PLCXD2: variants seen among roughly 807,000 people sequenced by gnomAD.
PLCXD2 encodes the protein phosphatidylinositol specific phospholipase C X domain containing 2.
A neutral mutation model predicts 28.6 loss-of-function variants in PLCXD2; 21 were observed. The observed-to-expected ratio is 0.73, with a 90% CI of 0.52 to 1.06. PLCXD2 has a LOEUF of 1.06. Among genes scored for constraint, PLCXD2 ranks in the 50% least tolerant of loss-of-function variants. PLCXD2 has a pLI of 0.00. For missense variants in PLCXD2, 369 were observed against 376.7 expected, an observed-to-expected ratio of 0.98 and a Z score of 0.17; for synonymous variants, 140 against 150.1, an observed-to-expected ratio of 0.93 and a Z score of 0.49.
At chr3:111,710,090 GC>G (rs1576462375) in intron 2 of PLCXD2, among the ~76,000 whole-genome samples, 2 of 152,180 alleles carry the variant, frequency 1.3e-5, no homozygotes, top group East Asian at 3.9e-4. Context: ...TGAGTCCCAG[GC>G]TTGGCCGGAA....
chr3:111,674,996 A>T lies in PLCXD2; in HGVS notation c.-250A>T. The T allele has an allele frequency of 2.1e-6, 1 of 467,374 alleles. No homozygotes were observed. The allele number at this position is 467,374 out of a possible 1,614,324, so 29.0% of individuals were successfully genotyped here. ...TACCTTCCCCCATCTCCAGAGGGGA[A>T]CATAAGAAGTTTAACGGAGCTGGGA... On this transcript the variant is annotated 5_prime_UTR_variant, in exon 1 of 5. Transcript: ENST00000477665.
At chr3:111,697,650 T>A (rs962012366) in intron 1 of PLCXD2, among the ~76,000 whole-genome samples, 1 of 152,194 alleles carries the variant, frequency 6.6e-6, no homozygotes, top group Non-Finnish European at 1.5e-5. Flanking sequence ...TACTGTTTTT[T>A]CCATTTCAAA....
chr3:111,712,655 C>T (rs183722194), intron 2 of PLCXD2, among the ~76,000 whole-genome samples: 4 of 152,168 alleles, frequency 2.6e-5, no homozygotes, highest in Non-Finnish European at 4.4e-5. Context: ...ACCTTAGTCA[C>T]GAGCTAAATG....
chr3:111,679,579 G>C (rs1205429914), intron 1 of PLCXD2, among the ~76,000 whole-genome samples: 1 of 152,188 alleles, frequency 6.6e-6, no homozygotes, highest in East Asian at 1.9e-4. Flanking sequence ...AACATGGTTT[G>C]CAGCCACCGC....
chr3:111,715,111 T>C (rs900473465), intron 3 of PLCXD2, among the ~76,000 whole-genome samples: 2 of 152,210 alleles, frequency 1.3e-5, no homozygotes, highest in African/African-American at 4.8e-5. Flanking sequence ...GATTTTTCTT[T>C]CTTGGTGAGA....
intron 1 of PLCXD2, 124 bp from the exon 2 acceptor site, chr3:111,707,802 T>C: frequency 2.3e-6 from 2 of 875,124 alleles, no homozygotes; most frequent in African/African-American, 3.4e-5. Flanking sequence ...TTGCTACTAT[T>C]CATTTGCAGT....
intron 1 of PLCXD2, among the ~76,000 whole-genome samples, chr3:111,684,864 G>A (rs1290295708): frequency 1.3e-5 from 2 of 152,108 alleles, no homozygotes; most frequent in African/African-American, 4.8e-5. Flanking sequence ...ACCTGAGGAG[G>A]AGGGTGACAG....
chr3:111,703,407 C>G (rs1051109822), intron 1 of PLCXD2, among the ~76,000 whole-genome samples: 1 of 152,218 alleles, frequency 6.6e-6, no homozygotes, highest in African/African-American at 2.4e-5. Context: ...CCATTGCTGT[C>G]ACATTTCTGC....
At chr3:111,711,514 T>C (rs1260876202) in intron 2 of PLCXD2, among the ~76,000 whole-genome samples, 4 of 152,254 alleles carry the variant, frequency 2.6e-5, no homozygotes, top group African/African-American at 7.2e-5. Context: ...ATATTTTTCA[T>C]GTAATGAGCT....
In PLCXD2 at chr3:111,687,179, T is replaced by A. The variant is rs78331652; in HGVS notation, c.163+11771T>A. On this transcript the variant is annotated intron_variant, in intron 1 of 4. Coordinates refer to ENST00000477665, the MANE Select transcript of PLCXD2 (RefSeq NM_001185106.1). ...GAGATATAAGCGTGAAGTTGACATG[T>A]TCCTGCCCTGAAAGACTTTCACTTA... Among the ~76,000 whole-genome samples, 1,147 of 152,338 alleles carry A rather than the reference T, an allele frequency of 7.5e-3. 13 individuals are homozygous for A. The highest frequency in any genetic ancestry group is 0.026 in the African/African-American group (1,072 of 41,566).
rs1046305139 is a variant in PLCXD2 at position 111,675,111 on chromosome 3, G to A, written c.-135G>A. On this transcript the variant is annotated 5_prime_UTR_variant, in exon 1 of 5. Transcript: ENST00000477665. ...GGGTAAGGATCCATCTGTTTGCCCCGTCCCCCAGCCAGAAAGGCATTTTGG... is the reference window on the plus strand; with the variant it reads ...GGGTAAGGATCCATCTGTTTGCCCCATCCCCCAGCCAGAAAGGCATTTTGG... The A allele has an allele frequency of 1.6e-5, 17 of 1,032,534 alleles. No individual in the cohort carries two copies. In the African/African-American group the frequency reaches 2.7e-4, roughly 17 times the overall value. 64.0% of individuals were successfully genotyped at this position (1,032,534 alleles called of 1,614,324 possible). A position where few individuals can be genotyped will look rare whatever the true frequency, so the allele number is the denominator to read the frequency against.
intron 1 of PLCXD2, among the ~76,000 whole-genome samples, chr3:111,688,241 C>T (rs557098466): frequency 4.2e-4 from 64 of 152,220 alleles, no homozygotes; most frequent in Middle Eastern, 3.4e-3. Flanking sequence ...GGTTTGGGAG[C>T]CTTAAGATCA....
intron 3 of PLCXD2, among the ~76,000 whole-genome samples, chr3:111,718,259 T>C (rs1333521349): frequency 6.6e-6 from 1 of 152,036 alleles, no homozygotes; most frequent in African/African-American, 2.4e-5. Context: ...GGTCAGGAGA[T>C]CGAGACCATC....
At chr3:111,693,783 A>G (rs1248319547) in intron 1 of PLCXD2, among the ~76,000 whole-genome samples, 2 of 152,216 alleles carry the variant, frequency 1.3e-5, no homozygotes, top group African/African-American at 4.8e-5. Context: ...TCAGAGAGAA[A>G]GCTTTCTCTT....
chr3:111,686,983 C>T (rs143249522), intron 1 of PLCXD2, among the ~76,000 whole-genome samples: 180 of 152,162 alleles, frequency 1.2e-3, no homozygotes, highest in Non-Finnish European at 2.0e-3. Context: ...GAGAGTGAAC[C>T]CTACCTGTTT....
At chr3:111,715,692 G>C (rs1385405500) in intron 3 of PLCXD2, among the ~76,000 whole-genome samples, 1 of 152,182 alleles carries the variant, frequency 6.6e-6, no homozygotes, top group Non-Finnish European at 1.5e-5. Context: ...CTTTAGATGG[G>C]ATTCAGGGAG....
At chr3:111,679,167 C>A (rs1250722933) in intron 1 of PLCXD2, among the ~76,000 whole-genome samples, 3 of 152,084 alleles carry the variant, frequency 2.0e-5, no homozygotes, top group Admixed American at 6.5e-5. Flanking sequence ...ATTAATTCCA[C>A]CTTCTGAGAA....
chr3:111,710,016 T>C lies in PLCXD2; in HGVS notation c.624+1630T>C, dbSNP rs1196283248. Among the ~76,000 whole-genome samples, 4 of 152,134 alleles carry C rather than the reference T, an allele frequency of 2.6e-5. No individual in the cohort carries two copies. In the South Asian group the frequency reaches 8.3e-4, roughly 32 times the overall value. The stretch of plus-strand genomic sequence containing the variant: ...GTCAGATTTTGCATCTGTCAGAAGG[T>C]AGAGCCGACAGGGTTTCCTAATGGA... On this transcript the variant is annotated intron_variant, in intron 2 of 4. Transcript: ENST00000477665.
chr3:111,684,057 C>A (rs373480943), intron 1 of PLCXD2, among the ~76,000 whole-genome samples: 1 of 152,050 alleles, frequency 6.6e-6, no homozygotes, highest in South Asian at 2.1e-4. Context: ...TTAGGCCAGG[C>A]GTGGTGGCTC....
Sources: allele counts gnomAD v4.1 joint callset (sites outside exome capture counted in the v4.1 genomes callset), GRCh38; gene constraint gnomAD v4.1.1; transcripts MANE v1.5; gene names NCBI Gene and HGNC (gene_info 2026-07-23, HGNC 2026-07-21).